MARCHF3: variants seen among roughly 807,000 people sequenced by gnomAD.
The protein encoded by MARCHF3 is E3 ubiquitin-protein ligase MARCHF3.
A neutral mutation model predicts 24.2 loss-of-function variants in MARCHF3; 13 were observed. The observed-to-expected ratio is 0.54, with a 90% confidence interval of 0.35 to 0.85. The LOEUF is 0.85. MARCHF3 is among the 40% of genes least tolerant of loss of function. MARCHF3 has a pLI of 0.01. For missense variants in MARCHF3, 276 were observed against 325.0 expected, an observed-to-expected ratio of 0.85 and a Z score of 1.16; for synonymous variants, 144 against 137.3, an observed-to-expected ratio of 1.05 and a Z score of -0.34.
chr5:126,932,175 A>G (rs1749500042), intron 1 of MARCHF3, among the ~76,000 whole-genome samples: 1 of 152,258 alleles, frequency 6.6e-6, no homozygotes, highest in South Asian at 2.1e-4. Flanking sequence ...ATTTATCACT[A>G]TACTGACATT....
At chr5:126,941,847 T>C (rs1005538729) in intron 1 of MARCHF3, among the ~76,000 whole-genome samples, 8 of 152,156 alleles carry the variant, frequency 5.3e-5, no homozygotes, top group Non-Finnish European at 1.2e-4. Flanking sequence ...TCAGGTCCTG[T>C]AAGGTGTAAG....
chr5:127,019,973 C>A (rs1369810976), intron 1 of MARCHF3, among the ~76,000 whole-genome samples: 1 of 152,142 alleles, frequency 6.6e-6, no homozygotes, highest in African/African-American at 2.4e-5. Flanking sequence ...GGAGATGAGA[C>A]AGCTTTTTAA....
intron 1 of MARCHF3, among the ~76,000 whole-genome samples, chr5:126,956,053 T>A (rs549419017): frequency 2.6e-5 from 4 of 152,228 alleles, no homozygotes; most frequent in Admixed American, 1.3e-4. Flanking sequence ...TTCCCACTTA[T>A]TTTTAATGCC....
intron 1 of MARCHF3, among the ~76,000 whole-genome samples, chr5:127,016,617 T>C (rs577562288): frequency 6.6e-6 from 1 of 152,288 alleles, no homozygotes; most frequent in East Asian, 1.9e-4. Context: ...CAACAGATGC[T>C]GGAGAGGATG....
At chr5:127,011,012 G>A (rs1243577668) in intron 1 of MARCHF3, among the ~76,000 whole-genome samples, 5 of 152,044 alleles carry the variant, frequency 3.3e-5, no homozygotes, top group Non-Finnish European at 1.5e-5. Flanking sequence ...GATTTAAGAT[G>A]TTAAATTTTA....
intron 1 of MARCHF3, among the ~76,000 whole-genome samples, chr5:126,919,380 G>A (rs535894746): frequency 6.6e-6 from 1 of 152,356 alleles, no homozygotes; most frequent in East Asian, 1.9e-4. Context: ...CCTGGGCTCA[G>A]TAGACAGCAG....
chr5:126,874,774 G>A (rs554850912), intron 4 of MARCHF3, among the ~76,000 whole-genome samples: 3 of 152,280 alleles, frequency 2.0e-5, no homozygotes, highest in African/African-American at 7.2e-5. Flanking sequence ...AAGGAGTATA[G>A]GAGTGAATTG....
chr5:126,935,741 G>A (rs567952522), intron 1 of MARCHF3, among the ~76,000 whole-genome samples: 31 of 147,660 alleles, frequency 2.1e-4, no homozygotes, highest in African/African-American at 7.7e-4. Flanking sequence ...CTCCCAAGTT[G>A]GTGGGATTAC....
intron 1 of MARCHF3, among the ~76,000 whole-genome samples, chr5:126,927,854 C>T (rs572035922): frequency 9.2e-5 from 14 of 152,074 alleles, no homozygotes; most frequent in Admixed American, 1.3e-4. Flanking sequence ...GTTTCTTACC[C>T]GGATTCAGCC....
At chr5:126,876,822 G>T (rs1002869916) in intron 4 of MARCHF3, among the ~76,000 whole-genome samples, 2 of 152,102 alleles carry the variant, frequency 1.3e-5, no homozygotes, top group Non-Finnish European at 2.9e-5. Context: ...GCTAATTTTT[G>T]TATTTTTAGT....
chr5:126,934,528 G>C (rs1282073520), intron 1 of MARCHF3, among the ~76,000 whole-genome samples: 1 of 151,548 alleles, frequency 6.6e-6, no homozygotes, highest in African/African-American at 2.4e-5. Flanking sequence ...GGAAAATTAA[G>C]AGGCAGGCCA....
rs1467807526 is a variant in MARCHF3, at chr5:126,868,447, G to T, written c.*2186C>A. 1 of 152,236 alleles carries T rather than the reference G, an allele frequency of 6.6e-6. No homozygotes were observed. The highest frequency in any genetic ancestry group is 1.5e-5 in the Non-Finnish European group (1 of 68,068). The allele number at this position is 152,236 out of a possible 1,614,324, so 9.4% of individuals were successfully genotyped here. A position where few individuals can be genotyped will look rare whatever the true frequency, so the allele number is the denominator to read the frequency against. ...CTTCACAGGGCAGGGATGCAAACAC[G>T]AAGGAAAGAGGTGTGGCACAGGCAC... On this transcript the variant is annotated 3_prime_UTR_variant, in exon 5 of 5. Transcript: ENST00000308660.
chr5:126,983,318 G>C (rs985664136), intron 1 of MARCHF3, among the ~76,000 whole-genome samples: 4 of 152,164 alleles, frequency 2.6e-5, no homozygotes, highest in Non-Finnish European at 4.4e-5. Flanking sequence ...AGGCGATCTG[G>C]TGGGCCTTGG....
intron 3 of MARCHF3, among the ~76,000 whole-genome samples, chr5:126,895,756 T>G (rs1456728993): frequency 6.6e-6 from 1 of 152,116 alleles, no homozygotes; most frequent in African/African-American, 2.4e-5. Flanking sequence ...AGGTTACTGC[T>G]GTCTTTTTGT....
chr5:126,889,434 A>G (rs563036593), intron 3 of MARCHF3, among the ~76,000 whole-genome samples: 1 of 152,212 alleles, frequency 6.6e-6, no homozygotes, highest in East Asian at 1.9e-4. Context: ...CTACACTTAC[A>G]TATCTGTGTC....
chr5:127,012,335 A>T (rs192709281), intron 1 of MARCHF3, among the ~76,000 whole-genome samples: 1 of 152,282 alleles, frequency 6.6e-6, no homozygotes. Context: ...CAAAGCTTTC[A>T]CTTTTTTAAA....
chr5:126,920,173 CTTTTTA>C (rs1749056897), intron 1 of MARCHF3, among the ~76,000 whole-genome samples: 1 of 152,084 alleles, frequency 6.6e-6, no homozygotes, highest in Non-Finnish European at 1.5e-5. Context: ...TAGATATCTT[CTTTTTA>C]TTTTTTTGAA....
At chr5:126,987,078 G>C (rs1419469231) in intron 1 of MARCHF3, among the ~76,000 whole-genome samples, 3 of 152,210 alleles carry the variant, frequency 2.0e-5, no homozygotes, top group African/African-American at 4.8e-5. Flanking sequence ...AAGTCAATCA[G>C]ATTACCCTCC....
At chr5:127,023,434 A>T (rs76721712) in intron 1 of MARCHF3, among the ~76,000 whole-genome samples, 1,785 of 152,228 alleles carry the variant, frequency 0.012, 29 homozygotes, top group African/African-American at 0.033. Flanking sequence ...TATTTTTTTT[A>T]AAAAGTTTCC....
Sources: allele counts gnomAD v4.1 joint callset (sites outside exome capture counted in the v4.1 genomes callset), GRCh38; gene constraint gnomAD v4.1.1; transcripts MANE v1.5; gene names NCBI Gene and HGNC (gene_info 2026-07-23, HGNC 2026-07-21).